EYS: variants seen among roughly 807,000 people sequenced by gnomAD.
EYS encodes the protein EGF-like photoreceptor maintenance factor, also known as protein eyes shut homolog.
Under a neutral mutation model 282.1 loss-of-function variants are expected in EYS, and 250 were observed. The observed-to-expected ratio is 0.89, with a 90% CI of 0.80 to 0.98. EYS has a LOEUF of 0.98. Ranked by LOEUF, EYS falls within the 50% of genes least tolerant of loss-of-function variation. EYS has a pLI of 0.00. For synonymous variants in EYS, 1,355 were observed against 1,282.9 expected (o/e 1.06, Z -1.20); for missense variants, 4,016 against 3,709.0 (o/e 1.08, Z -2.15).
chr6:64,926,488 T>G (rs952562730), intron 15 of EYS, among the ~76,000 whole-genome samples: 1 of 152,288 alleles, frequency 6.6e-6, no homozygotes, highest in African/African-American at 2.4e-5. Context: ...CAGAGCTTGG[T>G]TGGGACAAGG....
At chr6:64,216,410 G>A (rs1379031796) in intron 31 of EYS, among the ~76,000 whole-genome samples, 1 of 152,164 alleles carries the variant, frequency 6.6e-6, no homozygotes, top group African/African-American at 2.4e-5. Context: ...TGTGAGTGAT[G>A]TCAGAGAATG....
At chr6:65,123,758 C>CCACCCA (rs1554157089) in intron 12 of EYS, among the ~76,000 whole-genome samples, 2 of 147,002 alleles carry the variant, frequency 1.4e-5, no homozygotes, top group Admixed American at 6.8e-5. Flanking sequence ...ACCCACCCAC[C>CCACCCA]CACACACACA....
intron 29 of EYS, among the ~76,000 whole-genome samples, chr6:64,311,194 C>A (rs1421950867): frequency 2.0e-5 from 3 of 152,026 alleles, no homozygotes; most frequent in African/African-American, 7.2e-5. Context: ...TGTTGGGAAA[C>A]CTTTTTTCCT....
At chr6:64,997,102 G>A (rs771111980) in intron 14 of EYS, among the ~76,000 whole-genome samples, 3 of 152,110 alleles carry the variant, frequency 2.0e-5, no homozygotes, top group Non-Finnish European at 4.4e-5. Flanking sequence ...CAAAGGTGAT[G>A]ACAAATGAAT....
intron 13 of EYS, among the ~76,000 whole-genome samples, chr6:65,028,737 T>A (rs1489688654): frequency 6.6e-6 from 1 of 152,088 alleles, no homozygotes; most frequent in Non-Finnish European, 1.5e-5. Flanking sequence ...CAGTAAAAAA[T>A]TTATGTAATT....
At chr6:65,277,621 A>T (rs768272609) in intron 12 of EYS, among the ~76,000 whole-genome samples, 2 of 152,134 alleles carry the variant, frequency 1.3e-5, no homozygotes, top group Non-Finnish European at 2.9e-5. Flanking sequence ...TTTCTGCTTT[A>T]TAAGCCACCC....
chr6:65,549,418 C>G (rs930941512), intron 2 of EYS, among the ~76,000 whole-genome samples: 3 of 152,124 alleles, frequency 2.0e-5, no homozygotes, highest in Admixed American at 6.5e-5. Context: ...CAGCCTGAAC[C>G]CATATATGCC....
chr6:63,842,007 T>G (rs533595218), intron 36 of EYS, among the ~76,000 whole-genome samples: 1 of 152,222 alleles, frequency 6.6e-6, no homozygotes, highest in South Asian at 2.1e-4. Flanking sequence ...CAGTCTATCA[T>G]TGATGGGCAT....
chr6:65,016,765 G>A (rs1014593968), intron 13 of EYS, among the ~76,000 whole-genome samples: 12 of 152,086 alleles, frequency 7.9e-5, no homozygotes, highest in African/African-American at 2.7e-4. Context: ...TCTTTATGGA[G>A]CATACCTCAA....
intron 12 of EYS, among the ~76,000 whole-genome samples, chr6:65,242,766 A>G (rs1337032730): frequency 6.6e-6 from 1 of 152,062 alleles, no homozygotes. Flanking sequence ...TTTCTCTACA[A>G]CTTAATGGAA....
chr6:65,165,294 T>A (rs1209081902), intron 12 of EYS, among the ~76,000 whole-genome samples: 1 of 150,922 alleles, frequency 6.6e-6, no homozygotes, highest in East Asian at 2.0e-4. Flanking sequence ...CTTTGTTTTT[T>A]TTTTTTAATT....
chr6:65,307,191 A>T (rs1273776693), intron 11 of EYS, among the ~76,000 whole-genome samples: 1 of 148,230 alleles, frequency 6.7e-6, no homozygotes, highest in African/African-American at 2.5e-5. Flanking sequence ...TCAATGAAGG[A>T]CTCAGGATAG....
chr6:65,535,618 G>A (rs1767936260), intron 2 of EYS, among the ~76,000 whole-genome samples: 1 of 152,056 alleles, frequency 6.6e-6, no homozygotes, highest in South Asian at 2.1e-4. Context: ...ACATAGAGCT[G>A]ATATTTTAGT....
chr6:64,371,394 G>C (rs1238169856), intron 29 of EYS, among the ~76,000 whole-genome samples: 1 of 150,956 alleles, frequency 6.6e-6, no homozygotes, highest in Admixed American at 6.6e-5. Flanking sequence ...AACAATTTTG[G>C]GTTTTTAGAA....
intron 1 of EYS, among the ~76,000 whole-genome samples, chr6:65,661,532 T>A (rs1011889021): frequency 6.6e-6 from 1 of 152,032 alleles, no homozygotes; most frequent in Non-Finnish European, 1.5e-5. Flanking sequence ...TCACTTAGGC[T>A]CCAATAATAA....
intron 35 of EYS, among the ~76,000 whole-genome samples, chr6:63,907,008 ACTT>A (rs1221606108): frequency 2.0e-5 from 3 of 152,034 alleles, no homozygotes; most frequent in Non-Finnish European, 2.9e-5. Context: ...TATCCTTACT[ACTT>A]CTTTTGACAG....
chr6:64,557,736 A>G (rs553477422), intron 26 of EYS, among the ~76,000 whole-genome samples: 2 of 152,170 alleles, frequency 1.3e-5, no homozygotes, highest in African/African-American at 4.8e-5. Context: ...GTAATTTATT[A>G]TAGGGGTCAG....
chr6:63,946,878 G>A (rs996984622), intron 35 of EYS, among the ~76,000 whole-genome samples: 1 of 151,686 alleles, frequency 6.6e-6, no homozygotes, highest in Non-Finnish European at 1.5e-5. Context: ...TTGGGGTGAT[G>A]AATATCCCAT....
In EYS at chr6:64,230,212, A is replaced by G. The variant is rs184449679; in HGVS notation, c.6424+380T>C. On this transcript the variant is annotated intron_variant, in intron 31 of 42. Transcript: ENST00000503581. ...ATATGAGGATTTGCATATGAAGTATATAAGTGTGGCTATTTGGCAATTAAG... is the reference window on the plus strand; with the variant it reads ...ATATGAGGATTTGCATATGAAGTATGTAAGTGTGGCTATTTGGCAATTAAG... Among the ~76,000 whole-genome samples the G allele has an allele frequency of 8.3e-3, 1,257 of 152,304 alleles. 15 individuals carry two copies. The highest frequency in any genetic ancestry group is 0.028 in the African/African-American group (1,178 of 41,570).
Sources: gnomAD v4.1 joint callset for allele counts (sites outside exome capture counted in the v4.1 genomes callset) on GRCh38, gnomAD v4.1.1 for gene constraint, MANE v1.5 for transcripts, NCBI Gene and HGNC (gene_info 2026-07-23, HGNC 2026-07-21) for gene names.